The following DAB1 variants were observed in gnomAD, a reference collection of about 807,000 sequenced individuals.
The protein encoded by DAB1 is DAB adaptor protein 1.
In DAB1, 15 loss-of-function variants were observed where a neutral mutation model predicts 64.6. That is an observed-to-expected ratio of 0.23 (90% CI 0.16 to 0.36). The LOEUF (loss-of-function observed/expected upper bound fraction) is 0.36, where lower values mean the gene tolerates loss of function less well. Ranked by LOEUF, DAB1 falls within the 10% of genes least tolerant of loss-of-function variation. The probability of loss-of-function intolerance (pLI) is 1.00; values close to 1 mark genes in which losing one functional copy is unlikely to be tolerated. For missense variants in DAB1, 596 were observed against 706.7 expected, an observed-to-expected ratio of 0.84 and a Z score of 1.78; for synonymous variants, 235 against 251.9, an observed-to-expected ratio of 0.93 and a Z score of 0.64.
intron 5 of DAB1, among the ~76,000 whole-genome samples, chr1:58,073,182 C>T (rs1344978311): frequency 4.6e-5 from 7 of 152,192 alleles, no homozygotes; most frequent in African/African-American, 1.7e-4. Context: ...CTATGCTATA[C>T]AGAACTAGCT....
At chr1:57,783,613 A>G (rs765964975) in intron 6 of DAB1, among the ~76,000 whole-genome samples, 12 of 152,148 alleles carry the variant, frequency 7.9e-5, no homozygotes, top group Non-Finnish European at 1.6e-4. Context: ...ATTTTTTACA[A>G]ATTGAAGGTT....
At position 57,353,687 on chromosome 1, in the gene DAB1, G is replaced by A. The variant is rs375255889; in HGVS notation, c.-136-62521C>T. Among the ~76,000 whole-genome samples the A allele has an allele frequency of 2.2e-4, 33 of 152,218 alleles. No individual in the cohort carries two copies. The East Asian group carries it at 2.9e-3, about 13-fold the overall frequency. The stretch of plus-strand genomic sequence containing the variant: ...CCTGAGGTCATACTGAGTTATTCAC[G>A]CTTAGGTCTGCCTGAGTCTAAAGCT... On this transcript the variant is annotated intron_variant, in intron 1 of 14. Transcript: ENST00000371236.
chr1:58,374,972 C>G (rs1644308751), intron 3 of DAB1, among the ~76,000 whole-genome samples: 1 of 137,636 alleles, frequency 7.3e-6, no homozygotes, highest in Admixed American at 7.3e-5. Flanking sequence ...CATGATTTGG[C>G]TCTCTGTTTG....
At chr1:57,458,428 G>A (rs532529097) in intron 7 of DAB1, among the ~76,000 whole-genome samples, 2 of 151,662 alleles carry the variant, frequency 1.3e-5, no homozygotes, top group East Asian at 3.9e-4. Flanking sequence ...GATAGCAACA[G>A]GTAAATGTGC....
intron 4 of DAB1, among the ~76,000 whole-genome samples, chr1:57,084,165 A>G (rs1037102412): frequency 4.6e-5 from 7 of 152,228 alleles, no homozygotes; most frequent in African/African-American, 1.7e-4. Context: ...TTTATTTAAG[A>G]TGAGATCATA....
chr1:57,078,048 C>T (rs978610381), intron 4 of DAB1, among the ~76,000 whole-genome samples: 2 of 152,176 alleles, frequency 1.3e-5, no homozygotes, highest in Admixed American at 6.5e-5. Flanking sequence ...GGCCCAGGCT[C>T]ATTACAAAGG....
chr1:57,348,598 C>A (rs1369019951), intron 1 of DAB1, among the ~76,000 whole-genome samples: 2 of 152,112 alleles, frequency 1.3e-5, no homozygotes, highest in Non-Finnish European at 2.9e-5. Context: ...TTCAGTAACT[C>A]TCCCCATTTC....
chr1:58,493,090 T>A (rs1015936126), intron 3 of DAB1, among the ~76,000 whole-genome samples: 9 of 152,114 alleles, frequency 5.9e-5, no homozygotes, highest in Non-Finnish European at 1.3e-4. Context: ...GCTTCATCCC[T>A]GGGATGCAAG....
intron 6 of DAB1, among the ~76,000 whole-genome samples, chr1:57,650,816 A>G (rs1186124513): frequency 6.6e-6 from 1 of 152,088 alleles, no homozygotes; most frequent in African/African-American, 2.4e-5. Flanking sequence ...TCTGAAGATA[A>G]CACTGCACTG....
chr1:57,508,822 G>A (rs548413128), intron 7 of DAB1, among the ~76,000 whole-genome samples: 1 of 152,190 alleles, frequency 6.6e-6, no homozygotes, highest in East Asian at 1.9e-4. Flanking sequence ...GAGTACAAAT[G>A]TGTGTGTATG....
chr1:57,466,902 C>T (rs768787874), intron 7 of DAB1, among the ~76,000 whole-genome samples: 20 of 152,160 alleles, frequency 1.3e-4, no homozygotes, highest in Non-Finnish European at 2.8e-4. Flanking sequence ...GAAATCTCTC[C>T]AACTTTTTGT....
chr1:57,310,525 T>G (rs1674606880), intron 1 of DAB1, among the ~76,000 whole-genome samples: 1 of 152,120 alleles, frequency 6.6e-6, no homozygotes, highest in African/African-American at 2.4e-5. Context: ...AAGTGGCTCG[T>G]AGTCTAGCAG....
intron 5 of DAB1, among the ~76,000 whole-genome samples, chr1:58,005,020 A>T (rs932694632): frequency 3.9e-5 from 6 of 152,142 alleles, no homozygotes; most frequent in Non-Finnish European, 8.8e-5. Context: ...TGTTTTCCAG[A>T]TAAGAAAACA....
At position 58,033,173 on chromosome 1, in the gene DAB1, G is replaced by A. The variant is rs189321403; in HGVS notation, n.387+117338C>T. Among the ~76,000 whole-genome samples the A allele has an allele frequency of 3.9e-4, 60 of 152,228 alleles. No individual in the cohort carries two copies. The East Asian group carries it at 0.011, about 27-fold the overall frequency. On this transcript the variant is annotated intron_variant and non_coding_transcript_variant, in intron 5 of 20. Coordinates refer to the DAB1 transcript ENST00000485760. ...CTGCTCTCCAGATGGATTTGTCAGG[G>A]GATTAAAGAGAAAGTGGACAGTGAG...
chr1:58,060,772 T>G (rs1287261285), intron 5 of DAB1, among the ~76,000 whole-genome samples: 1 of 152,244 alleles, frequency 6.6e-6, no homozygotes, highest in East Asian at 1.9e-4. Context: ...CCATGGGCTG[T>G]TAAGCAAAAG....
chr1:57,054,470 CTTTTTTTTT>C (rs58175883), intron 9 of DAB1, among the ~76,000 whole-genome samples: 2 of 69,450 alleles, frequency 2.9e-5, no homozygotes, highest in African/African-American at 1.1e-4. Context: ...CAGGAATGTG[CTTTTTTTTT>C]TTTTTTTTTT....
At chr1:57,343,476 T>C (rs929645160) in intron 1 of DAB1, among the ~76,000 whole-genome samples, 1 of 152,180 alleles carries the variant, frequency 6.6e-6, no homozygotes, top group Non-Finnish European at 1.5e-5. Flanking sequence ...GGGTGGTCGA[T>C]GGGACTAGGC....
At chr1:57,339,551 A>T (rs1298433470) in intron 1 of DAB1, among the ~76,000 whole-genome samples, 1 of 152,214 alleles carries the variant, frequency 6.6e-6, no homozygotes, top group East Asian at 1.9e-4. Flanking sequence ...CTAAGTGTAC[A>T]CTTAAGAATG....
chr1:57,848,136 C>T (rs1174245658), intron 1 of DAB1, among the ~76,000 whole-genome samples: 3 of 152,158 alleles, frequency 2.0e-5, no homozygotes, highest in Non-Finnish European at 2.9e-5. Flanking sequence ...AATGCATATC[C>T]TTTCAAGACA....
Sources: allele counts gnomAD v4.1 joint callset (sites outside exome capture counted in the v4.1 genomes callset), GRCh38; gene constraint gnomAD v4.1.1; transcripts MANE v1.5; gene names NCBI Gene and HGNC (gene_info 2026-07-23, HGNC 2026-07-21).